The following VEZT variants were observed in gnomAD, a reference collection of about 807,000 sequenced individuals.
The protein encoded by VEZT is vezatin.
Under a neutral mutation model 79.9 loss-of-function variants are expected in VEZT, and 39 were observed. The ratio of observed to expected loss-of-function variants is 0.49; its 90% CI spans 0.38 to 0.64. VEZT has a LOEUF of 0.64. VEZT is among the 30% of genes least tolerant of loss of function. The pLI is 0.00. For missense variants in VEZT, 837 were observed against 893.1 expected (o/e 0.94, Z 0.80); for synonymous variants, 325 against 327.6 (o/e 0.99, Z 0.09).
chr12:95,299,859 A>G, intron 11 of VEZT: 1 of 172,170 alleles, frequency 5.8e-6, no homozygotes, highest in East Asian at 1.5e-4. Flanking sequence ...CCTAGGTGAT[A>G]ACTGATAATG....
intron 7 of VEZT, among the ~76,000 whole-genome samples, chr12:95,277,543 C>G (rs892503085): frequency 6.6e-6 from 1 of 152,136 alleles, no homozygotes; most frequent in African/African-American, 2.4e-5. Context: ...CTTTCACACC[C>G]TTTCGAATTT....
At chr12:95,262,031 G>T (rs1449084173) in intron 3 of VEZT, among the ~76,000 whole-genome samples, 1 of 152,152 alleles carries the variant, frequency 6.6e-6, no homozygotes, top group African/African-American at 2.4e-5. Context: ...AAATTAGAAA[G>T]GCTTTTATCC....
chr12:95,227,679 G>T (rs2058690228), intron 1 of VEZT, among the ~76,000 whole-genome samples: 1 of 151,962 alleles, frequency 6.6e-6, no homozygotes, highest in Non-Finnish European at 1.5e-5. Context: ...GTTTTGACAT[G>T]TTGCCCAGGT....
rs546236272 is a variant in VEZT, at chr12:95,298,386, A to G, written c.1832-1779A>G. On this transcript the variant is annotated intron_variant, in intron 11 of 11. Coordinates refer to ENST00000436874, the MANE Select transcript of VEZT (RefSeq NM_017599.4). The stretch of plus-strand genomic sequence containing the variant: ...CAGATTGATTTCCTGCAATCTGTTC[A>G]TTCATATACTGGGCCTACATACATC... 3.3e-5 allele frequency among the ~76,000 whole-genome samples: 5 copies of G among 152,296 alleles called. 1 individual carries two copies. Among genetic ancestry groups the G allele is most frequent in the African/African-American group, 1.2e-4 (5 of 41,584 alleles).
chr12:95,270,679 G>A (rs992989775), intron 6 of VEZT, among the ~76,000 whole-genome samples: 1 of 152,138 alleles, frequency 6.6e-6, no homozygotes, highest in African/African-American at 2.4e-5. Flanking sequence ...CTTTAGTCGT[G>A]TTTAAAATGG....
chr12:95,292,847 CTTTTTT>C (rs1204643991), intron 9 of VEZT, among the ~76,000 whole-genome samples: 5 of 96,480 alleles, frequency 5.2e-5, no homozygotes, highest in African/African-American at 2.3e-4. Flanking sequence ...GTACCTGGCC[CTTTTTT>C]TTTTTTTTTT....
intron 2 of VEZT, among the ~76,000 whole-genome samples, chr12:95,255,937 C>T (rs1369199622): frequency 6.6e-6 from 1 of 152,132 alleles, no homozygotes; most frequent in East Asian, 1.9e-4. Flanking sequence ...ACCTTTTTAA[C>T]TTCCTTACTA....
intron 2 of VEZT, chr12:95,256,478 CTCT>C (rs2063507175): frequency 1.3e-6 from 1 of 795,872 alleles, no homozygotes. Context: ...TTTATATTGT[CTCT>C]TCTTCTATAC....
chr12:95,276,207 G>A (rs1456984395), intron 7 of VEZT, among the ~76,000 whole-genome samples: 1 of 149,334 alleles, frequency 6.7e-6, no homozygotes, highest in African/African-American at 2.5e-5. Flanking sequence ...TAGTGTAGCA[G>A]CCAACATTGG....
intron 11 of VEZT, chr12:95,298,918 A>C (rs988020201): frequency 1.0e-4 from 16 of 153,400 alleles, no homozygotes; most frequent in African/African-American, 3.9e-4. Context: ...AGATTTATCA[A>C]TGAGAGAAAT....
intron 4 of VEZT, among the ~76,000 whole-genome samples, chr12:95,265,303 C>T (rs1203204757): frequency 6.6e-6 from 1 of 151,742 alleles, no homozygotes; most frequent in Non-Finnish European, 1.5e-5. Flanking sequence ...AAGTACAAAC[C>T]TTGTCCATAT....
intron 1 of VEZT, among the ~76,000 whole-genome samples, chr12:95,231,179 AAT>A (rs1444791840): frequency 2.0e-5 from 3 of 152,208 alleles, no homozygotes; most frequent in African/African-American, 7.2e-5. Flanking sequence ...CAAACTTCTT[AAT>A]ATATGTGTCT....
intron 2 of VEZT, chr12:95,252,389 A>G (rs559655941): frequency 5.6e-5 from 10 of 178,894 alleles, no homozygotes; most frequent in African/African-American, 2.1e-4. Context: ...GGAATCCTCT[A>G]CTAACTGGAT....
intron 3 of VEZT, among the ~76,000 whole-genome samples, chr12:95,260,335 G>T (rs1361661130): frequency 1.3e-5 from 2 of 151,898 alleles, no homozygotes; most frequent in Non-Finnish European, 2.9e-5. Flanking sequence ...TGAACTCTTG[G>T]CCTCAAGTGA....
intron 1 of VEZT, among the ~76,000 whole-genome samples, chr12:95,229,682 T>A (rs1015332495): frequency 5.3e-5 from 8 of 152,186 alleles, no homozygotes; most frequent in Non-Finnish European, 1.0e-4. Flanking sequence ...ATTTTAGTTT[T>A]CCCTGGTTCT....
chr12:95,245,788 A>G (rs764930379), intron 1 of VEZT, among the ~76,000 whole-genome samples: 2 of 152,214 alleles, frequency 1.3e-5, no homozygotes, highest in Non-Finnish European at 2.9e-5. Flanking sequence ...GAGACCAGCC[A>G]GAGAAACATA....
intron 2 of VEZT, among the ~76,000 whole-genome samples, chr12:95,252,690 C>A (rs1336591591): frequency 6.6e-6 from 1 of 152,196 alleles, no homozygotes; most frequent in Non-Finnish European, 1.5e-5. Context: ...ATGGGCCAGG[C>A]GCGGTGGCTC....
intron 1 of VEZT, among the ~76,000 whole-genome samples, chr12:95,221,679 T>TAAA (rs368598048): frequency 0.11 from 15,530 of 143,058 alleles, 1,097 homozygotes; most frequent in Non-Finnish European, 0.16. Flanking sequence ...CCCTGCATAT[T>TAAA]AAAAAAAAAA....
chr12:95,226,632 C>G (rs1425844489), intron 1 of VEZT, among the ~76,000 whole-genome samples: 2 of 151,112 alleles, frequency 1.3e-5, no homozygotes, highest in Non-Finnish European at 3.0e-5. Flanking sequence ...GTAAATTTTA[C>G]TGTACTATAT....
Sources: gnomAD v4.1 joint callset for allele counts (sites outside exome capture counted in the v4.1 genomes callset) on GRCh38, gnomAD v4.1.1 for gene constraint, MANE v1.5 for transcripts, NCBI Gene and HGNC (gene_info 2026-07-23, HGNC 2026-07-21) for gene names.